Variants in AHNAK observed in about 807,000 individuals in gnomAD.
AHNAK encodes AHNAK nucleoprotein.
AHNAK carries 23 observed loss-of-function variants against 37.8 expected under a neutral mutation model. That is an observed-to-expected ratio of 0.61 (90% CI 0.44 to 0.86). The LOEUF (loss-of-function observed/expected upper bound fraction) is 0.86. Among genes scored for constraint, AHNAK ranks in the 40% least tolerant of loss-of-function variants. The pLI is 0.00. For missense variants in AHNAK, 7,411 were observed against 7,319.4 expected (o/e 1.01, Z -0.46); for synonymous variants, 2,481 against 2,636.3 (o/e 0.94, Z 1.80).
chr11:62,448,000 C>T (rs972804667), intron 5 of AHNAK, among the ~76,000 whole-genome samples: 3 of 151,916 alleles, frequency 2.0e-5, no homozygotes, highest in Non-Finnish European at 2.9e-5. Flanking sequence ...TGGGCAGTGA[C>T]CTGAGAGGGG....
intron 5 of AHNAK, among the ~76,000 whole-genome samples, chr11:62,444,719 G>C (rs896708863): frequency 6.6e-6 from 1 of 152,256 alleles, no homozygotes; most frequent in Non-Finnish European, 1.5e-5. Context: ...GGGCACTCCG[G>C]GTGCGTCAGC....
chr11:62,507,295 A>G (rs1939829074), intron 4 of AHNAK, among the ~76,000 whole-genome samples: 1 of 152,208 alleles, frequency 6.6e-6, no homozygotes, highest in Admixed American at 6.5e-5. Context: ...TAAATGAAAA[A>G]AATAATACCC....
At chr11:62,534,791 G>C (rs1438266059) in intron 4 of AHNAK, among the ~76,000 whole-genome samples, 3 of 152,172 alleles carry the variant, frequency 2.0e-5, no homozygotes, top group Admixed American at 2.0e-4. Flanking sequence ...TGAAGAGACT[G>C]ATTGAAGACA....
At position 62,516,427 on chromosome 11, in the gene AHNAK, T is replaced by C; in HGVS notation, c.*317A>G. 4.0e-6 allele frequency: 5 copies of C among 1,253,888 alleles called. No homozygotes were observed. The highest frequency in any genetic ancestry group is 4.1e-6 in the Non-Finnish European group (4 of 982,568). 77.7% of individuals were successfully genotyped at this position (1,253,888 alleles called of 1,614,324 possible). On this transcript the variant is annotated 3_prime_UTR_variant, in exon 5 of 5. Transcript: ENST00000378024. ...TAACAATGTTCAGTAAAAATGAGGA[T>C]AATAAACACAAAAGCTTGCTTAGTA...
At chr11:62,490,187 T>C (rs960153838) in intron 5 of AHNAK, among the ~76,000 whole-genome samples, 3 of 149,700 alleles carry the variant, frequency 2.0e-5, no homozygotes, top group Non-Finnish European at 4.4e-5. Flanking sequence ...GCTTTCTTTC[T>C]TTTCTTTTTC....
chr11:62,534,056 ACTC>A lies in AHNAK; in HGVS notation c.358_360del (p.Glu120del). 6.5e-7 allele frequency: 1 copy of A among 1,546,206 alleles called. No individual in the cohort carries two copies. Among genetic ancestry groups the A allele is most frequent in the Non-Finnish European group, 8.7e-7 (1 of 1,145,230 alleles). Reference sequence around the variant, plus strand: ...ATCTTCGTGGTGTAGATGCGCTGGTACTCCTCATCATCCCCGCTCTGCAGAAAG... The same window carrying A: ...ATCTTCGTGGTGTAGATGCGCTGGTACTCATCATCCCCGCTCTGCAGAAAG... On this transcript the variant is annotated inframe_deletion, in exon 5 of 5. Coordinates refer to ENST00000378024, the MANE Select transcript of AHNAK (RefSeq NM_001620.3).
chr11:62,526,086 A>C lies in AHNAK; in HGVS notation c.8331T>G (p.Pro2777=). The change falls in exon 5 of 5, where the codon CCT becomes CCG. Residue 2777 remains proline (P), a synonymous_variant. Coordinates refer to ENST00000378024, the MANE Select transcript of AHNAK (RefSeq NM_001620.3). ...PKIKMPKISM[P]GFKGEGPDVD... is the part of the protein sequence containing the mutation. ...CATCTGGACCTTCTCCTTTGAAGCC[A>C]GGCATGCTGATCTTGGGCATTTTTA... is the stretch of plus-strand genomic sequence containing the variant. 1 of 1,613,432 alleles carries C rather than the reference A, an allele frequency of 6.2e-7. No individual in the cohort carries two copies. The highest frequency in any genetic ancestry group is 2.2e-5 in the East Asian group (1 of 44,796).
intron 5 of AHNAK, among the ~76,000 whole-genome samples, chr11:62,452,105 C>G (rs1316745695): frequency 6.6e-6 from 1 of 152,162 alleles, no homozygotes. Flanking sequence ...AGCCACCGCA[C>G]CCAGCCTGCA....
chr11:62,529,951 C>T lies in AHNAK; in HGVS notation c.4466G>A (p.Gly1489Asp). The T allele has an allele frequency of 1.2e-6, 2 of 1,612,804 alleles. No individual in the cohort carries two copies. Among genetic ancestry groups the T allele is most frequent in the Non-Finnish European group, 1.7e-6 (2 of 1,179,724 alleles). Reference protein sequence around the residue: ...EIKAPDVDIKGPKVDINAPDV... With the variant: ...EIKAPDVDIKDPKVDINAPDV... ...TGGTGCATTAATATCAACTTTGGGG[C>T]CTTTGATGTCAACATCAGGAGCTTT... The change falls in exon 5 of 5, where the codon GGC (glycine) becomes GAC (aspartate). Residue 1489 changes from glycine to aspartate, a missense_variant. Physicochemically the swap from Gly to Asp is moderately conservative, Grantham distance 94 (BLOSUM62 -1). Transcript: ENST00000378024.
At chr11:62,446,932 C>T (rs1330478189) in intron 5 of AHNAK, among the ~76,000 whole-genome samples, 1 of 152,004 alleles carries the variant, frequency 6.6e-6, no homozygotes, top group Non-Finnish European at 1.5e-5. Context: ...GATGGTGCCA[C>T]CTCTCCTCTT....
intron 5 of AHNAK, among the ~76,000 whole-genome samples, chr11:62,452,496 T>C (rs1351707145): frequency 6.6e-6 from 1 of 152,212 alleles, no homozygotes; most frequent in East Asian, 1.9e-4. Context: ...TTATTGGTTG[T>C]GTGGACGGAT....
chr11:62,465,236 C>T (rs1181618831), intron 5 of AHNAK, among the ~76,000 whole-genome samples: 10 of 152,074 alleles, frequency 6.6e-5, no homozygotes, highest in Non-Finnish European at 1.3e-4. Flanking sequence ...GTCCCCCCCT[C>T]GAAAGATATG....
At chr11:62,497,878 C>T (rs1208430007) in intron 4 of AHNAK, among the ~76,000 whole-genome samples, 2 of 151,846 alleles carry the variant, frequency 1.3e-5, no homozygotes, top group African/African-American at 2.4e-5. Context: ...GCAGGAGAAT[C>T]GCTTGAACCT....
At position 62,524,627 on chromosome 11, in the gene AHNAK, C is replaced by T. The variant is rs148996278; in HGVS notation, c.9790G>A (p.Ala3264Thr). 89 of 1,614,048 alleles carry T rather than the reference C, an allele frequency of 5.5e-5. No homozygotes were observed. Among genetic ancestry groups the T allele is most frequent in the Non-Finnish European group, 7.1e-5 (84 of 1,180,030 alleles). Residue 3264 changes from alanine to threonine, a missense_variant, in exon 5 of 5, where the codon GCT becomes ACT. Physicochemically the swap from Ala to Thr is moderately conservative, Grantham distance 58. Coordinates refer to ENST00000378024, the MANE Select transcript of AHNAK (RefSeq NM_001620.3). ...GGGCCATGAATGTCAATATCTGGAGCATCTACATCTATCTTTGGGCCTTTT... is the reference window on the plus strand; with the variant it reads ...GGGCCATGAATGTCAATATCTGGAGTATCTACATCTATCTTTGGGCCTTTT... ...DIKGPKIDVD[A>T]PDIDIHGPDA...
chr11:62,484,680 C>T (rs1023673852), intron 5 of AHNAK, among the ~76,000 whole-genome samples: 20 of 152,256 alleles, frequency 1.3e-4, no homozygotes, highest in East Asian at 1.9e-4. Flanking sequence ...GAAGCCTCTA[C>T]GCTACCACGA....
At chr11:62,448,067 G>A (rs939066170) in intron 5 of AHNAK, among the ~76,000 whole-genome samples, 7 of 152,022 alleles carry the variant, frequency 4.6e-5, no homozygotes, top group East Asian at 1.9e-4. Context: ...AGGCAAGGAC[G>A]AGCATTCCCA....
chr11:62,538,498 T>G (rs545058627), intron 1 of AHNAK, among the ~76,000 whole-genome samples: 16 of 152,322 alleles, frequency 1.1e-4, no homozygotes, highest in East Asian at 9.7e-4. Flanking sequence ...CTATAAGTCA[T>G]GGGGAACCTA....
At chr11:62,542,361 G>T (rs941902374) in intron 1 of AHNAK, among the ~76,000 whole-genome samples, 3 of 152,078 alleles carry the variant, frequency 2.0e-5, no homozygotes, top group Non-Finnish European at 4.4e-5. Flanking sequence ...CCTGCCCTTA[G>T]GAGAGGGAGG....
At chr11:62,468,016 T>C (rs1393258069) in intron 5 of AHNAK, among the ~76,000 whole-genome samples, 2 of 152,110 alleles carry the variant, frequency 1.3e-5, no homozygotes, top group Non-Finnish European at 2.9e-5. Flanking sequence ...TCTAGAATCT[T>C]CTTCCATTGA....
Sources: gnomAD v4.1 joint callset for allele counts (sites outside exome capture counted in the v4.1 genomes callset) on GRCh38, gnomAD v4.1.1 for gene constraint, MANE v1.5 for transcripts, NCBI Gene and HGNC (gene_info 2026-07-23, HGNC 2026-07-21) for gene names.